Variants in ALK observed in about 807,000 individuals in gnomAD.
ALK encodes ALK tyrosine kinase receptor.
Under a neutral mutation model 163.1 loss-of-function variants are expected in ALK, and 74 were observed. The observed-to-expected ratio is 0.45, with a 90% confidence interval of 0.38 to 0.55. ALK has a LOEUF of 0.55. Among genes scored for constraint, ALK ranks in the 20% least tolerant of loss-of-function variants. The pLI is 0.00. For synonymous variants in ALK, 960 were observed against 843.2 expected (o/e 1.14, Z -2.40); for missense variants, 2,063 against 2,105.3 (o/e 0.98, Z 0.39).
intron 4 of ALK, among the ~76,000 whole-genome samples, chr2:29,525,112 G>A (rs1025763326): frequency 6.6e-6 from 1 of 152,200 alleles, no homozygotes; most frequent in Non-Finnish European, 1.5e-5. Context: ...TAACAGATGT[G>A]TCAGGAGTAT....
intron 3 of ALK, among the ~76,000 whole-genome samples, chr2:29,672,756 A>T (rs1477577552): frequency 6.6e-6 from 1 of 151,504 alleles, no homozygotes; most frequent in Non-Finnish European, 1.5e-5. Flanking sequence ...CGCCACACTG[A>T]CTTCCACAAG....
chr2:29,819,570 C>T (rs963225040), intron 1 of ALK, among the ~76,000 whole-genome samples: 6 of 152,286 alleles, frequency 3.9e-5, no homozygotes, highest in African/African-American at 1.4e-4. Context: ...TGACTGCATT[C>T]TCCCATGGTG....
At chr2:29,200,443 A>G (rs1190711882) in intron 26 of ALK, among the ~76,000 whole-genome samples, 1 of 152,142 alleles carries the variant, frequency 6.6e-6, no homozygotes, top group African/African-American at 2.4e-5. Context: ...ATATTTGCAA[A>G]CAATACCAGA....
At position 29,206,257 on chromosome 2, in the gene ALK, T is replaced by TTACCTCCTCTCCCCTCC. The variant is rs761930959; in HGVS notation, c.3938+913_3938+914insGGAGGGGAGAGGAGGTA. Among the ~76,000 whole-genome samples, 404 of 149,414 alleles carry TTACCTCCTCTCCCCTCC rather than the reference T, an allele frequency of 2.7e-3. 1 individual carries two copies. The highest frequency in any genetic ancestry group is 5.3e-3 in the Non-Finnish European group (358 of 67,392). ...CCTTCTACCTCCTCTCCCCTCCCTTTCTTTCTTTCTCTCTCTCGTTCCCTC... is the reference window on the plus strand; with the variant it reads ...CCTTCTACCTCCTCTCCCCTCCCTTTTACCTCCTCTCCCCTCCCTTTCTTTCTCTCTCTCGTTCCCTC... On this transcript the variant is annotated intron_variant, in intron 26 of 28. Coordinates refer to ENST00000389048, the MANE Select transcript of ALK (RefSeq NM_004304.5).
chr2:29,823,808 T>C (rs1213873091), intron 1 of ALK, among the ~76,000 whole-genome samples: 1 of 152,184 alleles, frequency 6.6e-6, no homozygotes, highest in Non-Finnish European at 1.5e-5. Context: ...GACAATGTGA[T>C]AGAAAAGAAA....
chr2:29,620,391 C>T (rs896435918), intron 3 of ALK, among the ~76,000 whole-genome samples: 1 of 151,724 alleles, frequency 6.6e-6, no homozygotes, highest in Admixed American at 6.6e-5. Context: ...CCAGTAGGAC[C>T]ACATCTTAAC....
Position 29,731,722 on chromosome 2 carries a change from GA to G in ALK, c.668-14026del, listed in dbSNP as rs199821693. On this transcript the variant is annotated intron_variant, in intron 1 of 28. Coordinates refer to ENST00000389048, the MANE Select transcript of ALK (RefSeq NM_004304.5). ...GTAATATCTCCAAATGTAAACCAAA[GA>G]TATATATTTTCATTAGGACAATAGC... Among the ~76,000 whole-genome samples, 211 of 152,294 alleles carry G rather than the reference GA, an allele frequency of 1.4e-3. 6 individuals are homozygous for G. The East Asian group carries it at 0.033, about 24-fold the overall frequency.
At chr2:29,694,465 T>G (rs1043810107) in intron 3 of ALK, among the ~76,000 whole-genome samples, 3 of 152,242 alleles carry the variant, frequency 2.0e-5, no homozygotes, top group African/African-American at 7.2e-5. Flanking sequence ...GTTCCAACTA[T>G]TGCATGAGAC....
At chr2:29,235,594 A>T (rs563700717) in intron 13 of ALK, among the ~76,000 whole-genome samples, 2 of 152,098 alleles carry the variant, frequency 1.3e-5, no homozygotes, top group Non-Finnish European at 2.9e-5. Context: ...CACCTGGCAC[A>T]GGCGTGAGTT....
chr2:29,667,089 G>A (rs1395235125), intron 3 of ALK, among the ~76,000 whole-genome samples: 4 of 152,042 alleles, frequency 2.6e-5, no homozygotes, highest in Non-Finnish European at 4.4e-5. Flanking sequence ...CCATTGATGG[G>A]CACTTAGGTT....
At chr2:29,745,371 C>T (rs1197315067) in intron 1 of ALK, among the ~76,000 whole-genome samples, 1 of 152,130 alleles carries the variant, frequency 6.6e-6, no homozygotes. Flanking sequence ...AAACTGTATC[C>T]CTGCTGGTAC....
intron 1 of ALK, among the ~76,000 whole-genome samples, chr2:29,878,091 C>A (rs925333930): frequency 2.0e-5 from 3 of 152,126 alleles, no homozygotes; most frequent in Admixed American, 6.5e-5. Context: ...ATCCATTGTA[C>A]AAGATAAAAA....
chr2:29,704,524 C>A (rs1678839344), intron 2 of ALK, among the ~76,000 whole-genome samples: 1 of 152,146 alleles, frequency 6.6e-6, no homozygotes, highest in South Asian at 2.1e-4. Context: ...AAAACAATAT[C>A]TTAAACAAGT....
In ALK at chr2:29,726,579, A is replaced by G. The variant is rs1443704228; in HGVS notation, c.668-8882T>C. ...TAGACAAGAGGCTACAAACTATCCA[A>G]GAACAACTGGCTCTTCTCTTGACCT... On this transcript the variant is annotated intron_variant, in intron 1 of 28. Coordinates refer to ENST00000389048, the MANE Select transcript of ALK (RefSeq NM_004304.5). Among the ~76,000 whole-genome samples, 5 of 152,326 alleles carry G rather than the reference A, an allele frequency of 3.3e-5. No homozygotes were observed. In the East Asian group the frequency reaches 9.7e-4, roughly 29 times the overall value.
At chr2:29,629,513 C>A (rs192172389) in intron 3 of ALK, among the ~76,000 whole-genome samples, 1 of 152,122 alleles carries the variant, frequency 6.6e-6, no homozygotes, top group African/African-American at 2.4e-5. Context: ...ATTTTTGAAG[C>A]TAAAGTTTAG....
At chr2:29,562,928 T>A (rs1362589088) in intron 3 of ALK, among the ~76,000 whole-genome samples, 1 of 152,216 alleles carries the variant, frequency 6.6e-6, no homozygotes, top group African/African-American at 2.4e-5. Context: ...AAATGATTTG[T>A]TTCCCAAAGG....
chr2:29,897,781 C>A (rs1055354777), intron 1 of ALK, among the ~76,000 whole-genome samples: 13 of 152,180 alleles, frequency 8.5e-5, no homozygotes, highest in Non-Finnish European at 1.5e-5. Context: ...AGGCTTTCCT[C>A]AAATGTCCAT....
At chr2:29,794,316 G>A (rs936519963) in intron 1 of ALK, among the ~76,000 whole-genome samples, 5 of 152,230 alleles carry the variant, frequency 3.3e-5, no homozygotes, top group African/African-American at 1.2e-4. Flanking sequence ...TTTGACTTAA[G>A]GAAATATTGT....
At position 29,328,528 on chromosome 2, in the gene ALK, A is replaced by T. The variant is rs11901987; in HGVS notation, c.1283-47T>A. On this transcript the variant is annotated intron_variant, in intron 5 of 28. Coordinates refer to ENST00000389048, the MANE Select transcript of ALK (RefSeq NM_004304.5). Reference sequence around the variant, plus strand: ...AACCATGGTAAGTTTGCATGGCCCCAGGCAGCAGCTGGCCTGATGGGTTGG... The same window carrying T: ...AACCATGGTAAGTTTGCATGGCCCCTGGCAGCAGCTGGCCTGATGGGTTGG... 5.2e-3 allele frequency: 8,326 copies of T among 1,613,480 alleles called. 391 individuals are homozygous for T. The African/African-American group carries it at 0.098, about 19-fold the overall frequency.
Sources: gnomAD v4.1 joint callset for allele counts (sites outside exome capture counted in the v4.1 genomes callset) on GRCh38, gnomAD v4.1.1 for gene constraint, MANE v1.5 for transcripts, NCBI Gene and HGNC (gene_info 2026-07-23, HGNC 2026-07-21) for gene names.